The following MAPK10 variants were observed in gnomAD, a reference collection of about 807,000 sequenced individuals.
MAPK10 encodes mitogen-activated protein kinase 10.
A neutral mutation model predicts 59.3 loss-of-function variants in MAPK10; 25 were observed. The observed-to-expected ratio is 0.42, with a 90% CI of 0.31 to 0.59. The LOEUF is 0.59. Ranked by LOEUF, MAPK10 falls within the 20% of genes least tolerant of loss-of-function variation. The probability of loss-of-function intolerance (pLI) is 0.15; values close to 1 mark genes in which losing one functional copy is unlikely to be tolerated. For missense variants in MAPK10, 351 were observed against 568.9 expected, an observed-to-expected ratio of 0.62 and a Z score of 3.90; for synonymous variants, 190 against 200.5, an observed-to-expected ratio of 0.95 and a Z score of 0.44.
Position 86,243,228 on chromosome 4 carries a change from C to A in MAPK10, c.-6-48821G>T, listed in dbSNP as rs113836087. On this transcript the variant is annotated intron_variant, in intron 2 of 13. Transcript: ENST00000641462. ...TCCCAACTCAGCTGCTTCTAGTAAG[C>A]CATCTTGGCCCCACTCAGATGATAG... Among the ~76,000 whole-genome samples, 322 of 152,246 alleles carry A rather than the reference C, an allele frequency of 2.1e-3. 1 individual carries two copies. Among genetic ancestry groups the A allele is most frequent in the Non-Finnish European group, 2.6e-3 (177 of 67,998 alleles).
At chr4:86,254,638 A>G (rs987580113) in intron 2 of MAPK10, among the ~76,000 whole-genome samples, 1 of 140,736 alleles carries the variant, frequency 7.1e-6, no homozygotes, top group Admixed American at 7.0e-5. Context: ...GTGCTGAAAA[A>G]AATGTATATT....
intron 4 of MAPK10, among the ~76,000 whole-genome samples, chr4:86,128,138 G>A (rs573709731): frequency 2.8e-4 from 43 of 152,152 alleles, no homozygotes; most frequent in Non-Finnish European, 6.0e-4. Context: ...TTGTTCAAGT[G>A]CCAAAATCAA....
At chr4:86,348,419 C>A (rs1248311052) in intron 2 of MAPK10, among the ~76,000 whole-genome samples, 1 of 152,150 alleles carries the variant, frequency 6.6e-6, no homozygotes, top group Non-Finnish European at 1.5e-5. Flanking sequence ...GAAGTAGGCA[C>A]TCTATAAATG....
intron 1 of MAPK10, among the ~76,000 whole-genome samples, chr4:86,497,576 C>G (rs1293449561): frequency 6.6e-6 from 1 of 152,148 alleles, no homozygotes; most frequent in Non-Finnish European, 1.5e-5. Context: ...TCTTTCCCAG[C>G]TGGTGGGGGC....
intron 2 of MAPK10, chr4:86,332,424 AC>A (rs2096175328): frequency 6.6e-6 from 1 of 152,190 alleles, no homozygotes; most frequent in Admixed American, 6.5e-5. Flanking sequence ...TGTAGAATCA[AC>A]ATGCTTTAAC....
intron 2 of MAPK10, among the ~76,000 whole-genome samples, chr4:86,317,531 T>A (rs2095812321): frequency 6.6e-6 from 1 of 152,228 alleles, no homozygotes; most frequent in South Asian, 2.1e-4. Flanking sequence ...TTGTAGTATT[T>A]ATATACCCAA....
chr4:86,570,440 G>A (rs549178080), intron 1 of MAPK10, among the ~76,000 whole-genome samples: 1 of 151,716 alleles, frequency 6.6e-6, no homozygotes, highest in East Asian at 1.9e-4. Context: ...TAGTATACTT[G>A]GTATTATGAA....
chr4:86,093,219 C>T (rs1241772073), intron 9 of MAPK10, among the ~76,000 whole-genome samples: 7 of 151,912 alleles, frequency 4.6e-5, no homozygotes, highest in Non-Finnish European at 1.0e-4. Flanking sequence ...ACTATGTGAG[C>T]TTCTATCCTG....
chr4:86,324,713 T>C (rs1036004402), intron 2 of MAPK10, among the ~76,000 whole-genome samples: 3 of 152,222 alleles, frequency 2.0e-5, no homozygotes, highest in Non-Finnish European at 4.4e-5. Context: ...GAATAAATTC[T>C]ATCATAAAGA....
chr4:86,039,200 C>T (rs991361553), intron 11 of MAPK10, among the ~76,000 whole-genome samples: 4 of 152,130 alleles, frequency 2.6e-5, no homozygotes, highest in African/African-American at 9.7e-5. Context: ...ACAAAAATAC[C>T]TTCACAAAAG....
At chr4:86,425,770 C>T (rs774449834) in intron 1 of MAPK10, among the ~76,000 whole-genome samples, 3 of 152,250 alleles carry the variant, frequency 2.0e-5, no homozygotes, top group Non-Finnish European at 2.9e-5. Flanking sequence ...GCCAGGAGTT[C>T]GAGAGCAGCC....
chr4:86,324,716 C>A (rs1351301034), intron 2 of MAPK10, among the ~76,000 whole-genome samples: 1 of 152,166 alleles, frequency 6.6e-6, no homozygotes, highest in East Asian at 1.9e-4. Context: ...TAAATTCTAT[C>A]ATAAAGAGCA....
intron 2 of MAPK10, among the ~76,000 whole-genome samples, chr4:86,317,663 T>A (rs1325230283): frequency 2.0e-5 from 3 of 152,226 alleles, no homozygotes; most frequent in Non-Finnish European, 2.9e-5. Flanking sequence ...AGGTGCTAAA[T>A]ACTCAAGAAA....
chr4:86,312,667 CATT>C (rs1472369093), intron 2 of MAPK10, among the ~76,000 whole-genome samples: 3 of 152,064 alleles, frequency 2.0e-5, no homozygotes, highest in African/African-American at 7.2e-5. Context: ...TAACAAAGAT[CATT>C]TCCCAAATTC....
rs200699087 is a variant in MAPK10 at position 86,427,400 on chromosome 4, ACTCTC to A, written c.-122+25625_-122+25629del. Among the ~76,000 whole-genome samples, 61 of 151,870 alleles carry A rather than the reference ACTCTC, an allele frequency of 4.0e-4. No individual in the cohort carries two copies. The East Asian group carries it at 0.012, about 29-fold the overall frequency. ...CCAAAGACGAGTCTAGTGGCCTCCT[ACTCTC>A]CTCTGACTACCATAGTTTCCCCATT... On this transcript the variant is annotated intron_variant, in intron 1 of 13. Transcript: ENST00000361569.
At chr4:86,393,621 G>C (rs1742523924) in intron 1 of MAPK10, among the ~76,000 whole-genome samples, 1 of 152,038 alleles carries the variant, frequency 6.6e-6, no homozygotes. Flanking sequence ...AATATTTTTA[G>C]CTTTTTTTAA....
intron 2 of MAPK10, among the ~76,000 whole-genome samples, chr4:86,221,747 C>T (rs2089670133): frequency 6.6e-6 from 1 of 152,288 alleles, no homozygotes; most frequent in Admixed American, 6.5e-5. Flanking sequence ...AAGGGACCCA[C>T]CCACCTCGGC....
At chr4:86,391,907 T>G (rs575850774) in intron 1 of MAPK10, among the ~76,000 whole-genome samples, 1 of 152,290 alleles carries the variant, frequency 6.6e-6, no homozygotes, top group Non-Finnish European at 1.5e-5. Context: ...GGATCCAGGA[T>G]TGAAGCCCAC....
At chr4:86,150,851 G>A (rs981418907) in intron 4 of MAPK10, among the ~76,000 whole-genome samples, 2 of 152,038 alleles carry the variant, frequency 1.3e-5, no homozygotes, top group African/African-American at 4.8e-5. Flanking sequence ...GACAGAGTGA[G>A]ACTCCGTCTC....
Sources: gnomAD v4.1 joint callset for allele counts (sites outside exome capture counted in the v4.1 genomes callset) on GRCh38, gnomAD v4.1.1 for gene constraint, MANE v1.5 for transcripts, NCBI Gene and HGNC (gene_info 2026-07-23, HGNC 2026-07-21) for gene names.